Variants in TACC2 observed in about 807,000 individuals in gnomAD.
TACC2 encodes transforming acidic coiled-coil-containing protein 2.
In TACC2, 137 loss-of-function variants were observed where a neutral mutation model predicts 227.3. The ratio of observed to expected loss-of-function variants is 0.60; its 90% CI spans 0.52 to 0.69. The LOEUF (loss-of-function observed/expected upper bound fraction) is 0.69. Ranked by LOEUF, TACC2 falls within the 30% of genes least tolerant of loss-of-function variation. The pLI is 0.00. For synonymous variants in TACC2, 1,523 were observed against 1,487.5 expected, an observed-to-expected ratio of 1.02 and a Z score of -0.55; for missense variants, 3,470 against 3,694.4, an observed-to-expected ratio of 0.94 and a Z score of 1.57.
chr10:122,162,586 T>A (rs1420691317), intron 7 of TACC2, among the ~76,000 whole-genome samples: 1 of 152,154 alleles, frequency 6.6e-6, no homozygotes, highest in Admixed American at 6.5e-5. Flanking sequence ...GCCCCAAACC[T>A]CCTGTACCTA....
chr10:122,019,280 T>C (rs1171271504), intron 1 of TACC2, among the ~76,000 whole-genome samples: 1 of 152,246 alleles, frequency 6.6e-6, no homozygotes, highest in African/African-American at 2.4e-5. Context: ...GCACACTCCA[T>C]AAACAGGTGC....
At chr10:122,228,824 A>G (rs556619516) in intron 14 of TACC2, among the ~76,000 whole-genome samples, 31 of 152,130 alleles carry the variant, frequency 2.0e-4, no homozygotes, top group Non-Finnish European at 4.0e-4. Context: ...AATCTCTCAC[A>G]TGAATACTCT....
chr10:122,242,024 G>A (rs11200496), intron 19 of TACC2, 23 bp downstream of exon 19: 1 of 1,611,480 alleles, frequency 6.2e-7, no homozygotes, highest in Non-Finnish European at 8.5e-7. Flanking sequence ...ACCTGCGGGG[G>A]CTCAGGCCGG....
intron 2 of TACC2, among the ~76,000 whole-genome samples, chr10:122,034,248 C>A (rs934628844): frequency 6.6e-6 from 1 of 151,424 alleles, no homozygotes; most frequent in Non-Finnish European, 1.5e-5. Flanking sequence ...CATATCCCAG[C>A]AAGGAGTGAT....
chr10:122,183,180 G>A (rs569882137), intron 7 of TACC2, among the ~76,000 whole-genome samples: 11 of 151,990 alleles, frequency 7.2e-5, no homozygotes, highest in African/African-American at 2.7e-4. Flanking sequence ...ACTCCAGCCT[G>A]GGTAACAGAG....
chr10:122,142,636 G>A, intron 6 of TACC2, among the ~76,000 whole-genome samples: 1 of 152,212 alleles, frequency 6.6e-6, no homozygotes, highest in East Asian at 1.9e-4. Context: ...CCCGCAGAGG[G>A]AAGCAGTGAT....
At chr10:122,102,768 A>C (rs1449408963) in intron 5 of TACC2, among the ~76,000 whole-genome samples, 1 of 152,162 alleles carries the variant, frequency 6.6e-6, no homozygotes, top group African/African-American at 2.4e-5. Flanking sequence ...GGCTTGTGTG[A>C]ACTGGGCTCT....
At chr10:122,158,764 A>G (rs1489338955) in intron 7 of TACC2, among the ~76,000 whole-genome samples, 1 of 152,258 alleles carries the variant, frequency 6.6e-6, no homozygotes, top group Non-Finnish European at 1.5e-5. Flanking sequence ...AGAGGTGAGC[A>G]GGTGAGATTT....
At position 122,061,323 on chromosome 10, in the gene TACC2, C is replaced by T. The variant is rs964324581; in HGVS notation, c.146+10773C>T. Reference sequence around the variant, plus strand: ...AAAAAAAAAGGAGGGAGAAAAGAATCGAGGAAGATTCCTGAAGCTTTGGCT... The same window carrying T: ...AAAAAAAAAGGAGGGAGAAAAGAATTGAGGAAGATTCCTGAAGCTTTGGCT... On this transcript the variant is annotated intron_variant, in intron 3 of 22. Transcript: ENST00000369005. 4.1e-5 allele frequency among the ~76,000 whole-genome samples: 6 copies of T among 145,514 alleles called. 1 individual carries two copies. The South Asian group carries it at 1.3e-3, about 32-fold the overall frequency.
intron 10 of TACC2, 131 bp downstream of exon 10, chr10:122,215,582 AG>A: frequency 1.3e-6 from 1 of 777,498 alleles, no homozygotes. Context: ...TTCTGTGTGG[AG>A]GGTCCCTCGA....
At chr10:122,008,032 T>C (rs1052458783) in intron 1 of TACC2, among the ~76,000 whole-genome samples, 4 of 152,154 alleles carry the variant, frequency 2.6e-5, no homozygotes, top group Non-Finnish European at 5.9e-5. Flanking sequence ...GTGTGGCTCC[T>C]TAACCTTGGA....
chr10:122,103,633 C>A (rs2082416021), intron 5 of TACC2, among the ~76,000 whole-genome samples: 1 of 152,218 alleles, frequency 6.6e-6, no homozygotes, highest in South Asian at 2.1e-4. Context: ...ATGATGGGGT[C>A]ATCTTCTAGG....
At chr10:122,250,944 G>C (rs556969837) in intron 22 of TACC2, among the ~76,000 whole-genome samples, 3 of 132,290 alleles carry the variant, frequency 2.3e-5, no homozygotes, top group African/African-American at 9.1e-5. Context: ...TTTTGAGGCA[G>C]GGTCTTATTC....
rs530148480 is a variant in TACC2, at chr10:122,080,769, A to G, written c.147-1878A>G. On this transcript the variant is annotated intron_variant, in intron 3 of 22. Coordinates refer to ENST00000369005, the MANE Select transcript of TACC2 (RefSeq NM_206862.4). ...GTATGCATCCCTCATGTATGAATGC[A>G]TGTGCACTGCCTGGTGTGGAAAACT... Among the ~76,000 whole-genome samples the G allele has an allele frequency of 1.9e-4, 29 of 152,328 alleles. 2 individuals are homozygous for G. Among genetic ancestry groups the G allele is most frequent in the African/African-American group, 7.0e-4 (29 of 41,576 alleles).
intron 1 of TACC2, among the ~76,000 whole-genome samples, chr10:121,998,560 G>A (rs534569659): frequency 3.0e-4 from 45 of 152,238 alleles, no homozygotes; most frequent in Non-Finnish European, 4.6e-4. Context: ...CCAACGTTTC[G>A]TAAGTGTTAT....
At chr10:122,000,285 A>G (rs1270300099) in intron 1 of TACC2, among the ~76,000 whole-genome samples, 3 of 152,196 alleles carry the variant, frequency 2.0e-5, no homozygotes, top group African/African-American at 7.2e-5. Context: ...AGGCTAAGGC[A>G]GGAGAATGGC....
chr10:122,181,762 T>C (rs2140289814), intron 7 of TACC2, among the ~76,000 whole-genome samples: 1 of 152,362 alleles, frequency 6.6e-6, no homozygotes, highest in African/African-American at 2.4e-5. Flanking sequence ...TTGAGGATGC[T>C]GCATTATGTA....
chr10:122,070,832 G>A (rs930895331), intron 3 of TACC2, among the ~76,000 whole-genome samples: 2 of 151,966 alleles, frequency 1.3e-5, no homozygotes, highest in African/African-American at 2.4e-5. Flanking sequence ...GGCTGAGGTG[G>A]GAGAATCACT....
Position 122,086,977 on chromosome 10 carries a change from G to A in TACC2, c.4477G>A (p.Ala1493Thr). The A allele has an allele frequency of 6.2e-7, 1 of 1,613,968 alleles. No homozygotes were observed. Among genetic ancestry groups the A allele is most frequent in the Non-Finnish European group, 8.5e-7 (1 of 1,180,052 alleles). ...EISHLALQDP[A>T]SDKLLGPAGL... is the part of the protein sequence containing the mutation. ...TTCCCATCTGGCTCTGCAAGATCCA[G>A]CTTCAGACAAGCTTCTGGGTCCAGC... The change falls in exon 4 of 23, where the codon GCT (alanine) becomes ACT (threonine). Residue 1493 changes from alanine to threonine, a missense_variant. Ala to Thr is a moderately conservative substitution (Grantham distance 58). Transcript: ENST00000369005.
Sources: allele counts gnomAD v4.1 joint callset (sites outside exome capture counted in the v4.1 genomes callset), GRCh38; gene constraint gnomAD v4.1.1; transcripts MANE v1.5; gene names NCBI Gene and HGNC (gene_info 2026-07-23, HGNC 2026-07-21).